Variants in MEGF6 observed in about 807,000 individuals in gnomAD.
MEGF6 encodes the protein multiple EGF like domains 6.
MEGF6 carries 184 observed loss-of-function variants against 207.1 expected under a neutral mutation model. The observed-to-expected ratio is 0.89, with a 90% confidence interval of 0.79 to 1.00. The LOEUF is 1.00. Ranked by LOEUF, MEGF6 falls within the 50% of genes least tolerant of loss-of-function variation. MEGF6 has a pLI of 0.00. For missense variants in MEGF6, 2,282 were observed against 2,202.9 expected (o/e 1.04, Z -0.72); for synonymous variants, 1,038 against 910.0 (o/e 1.14, Z -2.53).
At chr1:3,528,030 G>T (rs971998223) in intron 4 of MEGF6, among the ~76,000 whole-genome samples, 1 of 152,218 alleles carries the variant, frequency 6.6e-6, no homozygotes, top group Non-Finnish European at 1.5e-5. Flanking sequence ...GGGCCTGGGT[G>T]GGGGTGCTGA....
rs377495291 is a variant in MEGF6 at position 3,602,546 on chromosome 1, G to C, written c.186C>G (p.Cys62Trp). The C allele has an allele frequency of 1.2e-6, 2 of 1,612,496 alleles. No individual in the cohort carries two copies. The highest frequency in any genetic ancestry group is 1.7e-6 in the Non-Finnish European group (2 of 1,179,702). The change falls in exon 2 of 37, where the codon TGC becomes TGG. Residue 62 changes from cysteine (C) to tryptophan (W), a missense_variant. Transcript: ENST00000356575. ...ELTLVGRRQP[C>W]VQALSHTVPV... ...GCACCGTGTGGCTTAAGGCCTGCAC[G>C]CACGGCTGGCGGCGGCCCACCAGGG... is the stretch of plus-strand genomic sequence containing the variant.
chr1:3,605,571 TAC>T (rs1281890210), intron 1 of MEGF6, among the ~76,000 whole-genome samples: 6 of 150,842 alleles, frequency 4.0e-5, no homozygotes, highest in Non-Finnish European at 7.4e-5. Flanking sequence ...TACACTCACA[TAC>T]ACACACATAC....
At chr1:3,582,831 G>A (rs548940456) in intron 3 of MEGF6, among the ~76,000 whole-genome samples, 1 of 152,236 alleles carries the variant, frequency 6.6e-6, no homozygotes, top group East Asian at 1.9e-4. Context: ...AGAGCCCACA[G>A]CGCCCCGCTC....
At chr1:3,578,546 G>A (rs572041059) in intron 4 of MEGF6, among the ~76,000 whole-genome samples, 1 of 152,166 alleles carries the variant, frequency 6.6e-6, no homozygotes, top group Non-Finnish European at 1.5e-5. Context: ...TGGGGGGGGG[G>A]GGCCCTTTCG....
At chr1:3,584,987 G>T (rs962420973) in intron 3 of MEGF6, among the ~76,000 whole-genome samples, 10 of 152,286 alleles carry the variant, frequency 6.6e-5, no homozygotes, top group African/African-American at 2.4e-4. Context: ...CAGGTGTGAG[G>T]ATGGAGCTGC....
intron 30 of MEGF6, among the ~76,000 whole-genome samples, chr1:3,495,675 G>A (rs959247597): frequency 5.9e-5 from 9 of 152,220 alleles, no homozygotes; most frequent in Non-Finnish European, 1.3e-4. Context: ...GGTAGGGGCT[G>A]GGGTGGCATG....
chr1:3,502,551 AG>A (rs1259470547), intron 17 of MEGF6, among the ~76,000 whole-genome samples: 1 of 152,094 alleles, frequency 6.6e-6, no homozygotes, highest in African/African-American at 2.4e-5. Context: ...TGGGGAGGGC[AG>A]GGGGCCTCCT....
intron 4 of MEGF6, among the ~76,000 whole-genome samples, chr1:3,549,161 C>A (rs1447870049): frequency 6.6e-6 from 1 of 152,194 alleles, no homozygotes; most frequent in Non-Finnish European, 1.5e-5. Flanking sequence ...GGGGACTGGC[C>A]CCCCTAGTCT....
chr1:3,587,252 A>G (rs530663684), intron 3 of MEGF6, among the ~76,000 whole-genome samples: 1 of 152,352 alleles, frequency 6.6e-6, no homozygotes, highest in East Asian at 1.9e-4. Context: ...GCGGGCCTTC[A>G]GCTGCTGGAA....
chr1:3,514,231 G>C (rs2101075844), intron 7 of MEGF6, among the ~76,000 whole-genome samples: 1 of 149,280 alleles, frequency 6.7e-6, no homozygotes, highest in South Asian at 2.1e-4. Flanking sequence ...CTGGGCAATA[G>C]AGCGAGACTC....
At chr1:3,582,356 C>T (rs889314109) in intron 3 of MEGF6, among the ~76,000 whole-genome samples, 1 of 152,174 alleles carries the variant, frequency 6.6e-6, no homozygotes, top group Non-Finnish European at 1.5e-5. Context: ...TGGGAGATAG[C>T]CCCGTACGCA....
upstream of MEGF6, among the ~76,000 whole-genome samples, chr1:3,613,752 C>T (rs1273995617): frequency 6.6e-6 from 1 of 152,174 alleles, no homozygotes; most frequent in African/African-American, 2.4e-5. Flanking sequence ...CAAAAATACT[C>T]GGCCTCGTGT....
In MEGF6 at chr1:3,497,280, C is replaced by T. The variant is rs1393754099; in HGVS notation, c.3434G>A (p.Gly1145Glu). 2 of 1,551,198 alleles carry T rather than the reference C, an allele frequency of 1.3e-6. No individual in the cohort carries two copies. The highest frequency in any genetic ancestry group is 1.7e-6 in the Non-Finnish European group (2 of 1,151,040). The change falls in exon 27 of 37, where the codon GGG (glycine) becomes GAG (glutamate). Residue 1145 changes from glycine (G) to glutamate (E), a missense_variant. Physicochemically the swap from Gly to Glu is moderately conservative, Grantham distance 98 (BLOSUM62 -2). Coordinates refer to ENST00000356575, the MANE Select transcript of MEGF6 (RefSeq NM_001409.4). ...GAAGCCAGGGGGACAGCGGCAGGCC[C>T]CAGTGACGTGGTGGCAGGCAGCGCC... ...PPGAACHHVT[G>E]ACRCPPGFTG...
intron 3 of MEGF6, among the ~76,000 whole-genome samples, chr1:3,582,470 C>T (rs1477198856): frequency 2.0e-5 from 3 of 152,214 alleles, no homozygotes; most frequent in African/African-American, 4.8e-5. Flanking sequence ...CTCCATGACA[C>T]CAAGGCCACC....
intron 4 of MEGF6, among the ~76,000 whole-genome samples, chr1:3,544,868 G>A (rs1279558391): frequency 5.9e-5 from 9 of 152,324 alleles, no homozygotes; most frequent in East Asian, 3.9e-4. Context: ...GGAGCTGGGG[G>A]CAGGGTGGCC....
At chr1:3,496,325 A>G (rs1458170575) in intron 29 of MEGF6, among the ~76,000 whole-genome samples, 1 of 152,220 alleles carries the variant, frequency 6.6e-6, no homozygotes, top group African/African-American at 2.4e-5. Flanking sequence ...CCCGTTTCCC[A>G]GCAGGACGCT....
intron 2 of MEGF6, among the ~76,000 whole-genome samples, chr1:3,597,673 G>A (rs1421122482): frequency 2.0e-5 from 3 of 152,170 alleles, no homozygotes; most frequent in Non-Finnish European, 2.9e-5. Flanking sequence ...CGGAAGTGGC[G>A]GCCACAAGCC....
In MEGF6 at chr1:3,488,104, A is replaced by G. The variant is rs1175912902; in HGVS notation, c.*2424T>C. On this transcript the variant is annotated 3_prime_UTR_variant, in exon 37 of 37. Transcript: ENST00000356575. The stretch of plus-strand genomic sequence containing the variant: ...TCAAGCGTTTATTATGTGTGTTGAG[A>G]ATGTTCAATATCCTCCTTCTTGCTG... 6.6e-6 allele frequency among the ~76,000 whole-genome samples: 1 copy of G among 152,172 alleles called. No individual in the cohort carries two copies. Among genetic ancestry groups the G allele is most frequent in the East Asian group, 1.9e-4 (1 of 5,196 alleles).
chr1:3,580,537 TG>T (rs1481433322), intron 3 of MEGF6, among the ~76,000 whole-genome samples: 1 of 150,292 alleles, frequency 6.7e-6, no homozygotes, highest in Non-Finnish European at 1.5e-5. Context: ...CAGCTGGACC[TG>T]AGAGGCAAGG....
Sources: gnomAD v4.1 joint callset for allele counts (sites outside exome capture counted in the v4.1 genomes callset) on GRCh38, gnomAD v4.1.1 for gene constraint, MANE v1.5 for transcripts, NCBI Gene and HGNC (gene_info 2026-07-23, HGNC 2026-07-21) for gene names.